The following ADCY1 variants were observed in gnomAD, a reference collection of about 807,000 sequenced individuals.
ADCY1 encodes adenylate cyclase type 1.
A neutral mutation model predicts 105.4 loss-of-function variants in ADCY1; 28 were observed. That is an observed-to-expected ratio of 0.27 (90% confidence interval 0.20 to 0.36). The LOEUF (loss-of-function observed/expected upper bound fraction) is 0.36, where lower values mean the gene tolerates loss of function less well. Ranked by LOEUF, ADCY1 falls within the 10% of genes least tolerant of loss-of-function variation. The pLI is 1.00. For missense variants in ADCY1, 977 were observed against 1,434.2 expected (o/e 0.68, Z 5.15); for synonymous variants, 655 against 623.8 (o/e 1.05, Z -0.75).
chr7:45,671,831 G>A (rs551801318), intron 8 of ADCY1, among the ~76,000 whole-genome samples: 145 of 152,086 alleles, frequency 9.5e-4, no homozygotes, highest in African/African-American at 3.3e-3. Context: ...TTCTAGAAAC[G>A]ATTCTTTTGT....
chr7:45,607,971 G>A (rs1018786496), intron 2 of ADCY1, among the ~76,000 whole-genome samples: 10 of 152,178 alleles, frequency 6.6e-5, no homozygotes, highest in East Asian at 5.8e-4. Context: ...ATGGGATTGC[G>A]GATTTGATGG....
rs1785457576 is a variant in ADCY1 at position 45,720,742 on chromosome 7, CCA to C, written c.*6750_*6751del. ...CACTTGTCGCTCTCCCACCTGGTTACCACAGTCTCCATGGGTCTTTTGCCGTG... is the reference window on the plus strand; with the variant it reads ...CACTTGTCGCTCTCCCACCTGGTTACCAGTCTCCATGGGTCTTTTGCCGTG... On this transcript the variant is annotated 3_prime_UTR_variant, in exon 20 of 20. Coordinates refer to ENST00000297323, the MANE Select transcript of ADCY1 (RefSeq NM_021116.4). 6.6e-6 allele frequency: 1 copy of C among 152,136 alleles called. No individual in the cohort carries two copies. The highest frequency in any genetic ancestry group is 6.5e-5 in the Admixed American group (1 of 15,282). 9.4% of individuals were successfully genotyped at this position (152,136 alleles called of 1,614,324 possible).
intron 14 of ADCY1, among the ~76,000 whole-genome samples, chr7:45,694,422 T>C (rs1784843378): frequency 6.6e-6 from 1 of 152,118 alleles, no homozygotes; most frequent in South Asian, 2.1e-4. Flanking sequence ...ATGAACCAAA[T>C]GAAACTACAT....
intron 2 of ADCY1, among the ~76,000 whole-genome samples, chr7:45,605,253 C>T (rs1486487592): frequency 1.3e-5 from 2 of 152,068 alleles, no homozygotes; most frequent in African/African-American, 4.8e-5. Flanking sequence ...TTGTAACATC[C>T]ATTGTATTTC....
chr7:45,628,282 C>T (rs1794123352), intron 4 of ADCY1, among the ~76,000 whole-genome samples: 1 of 152,190 alleles, frequency 6.6e-6, no homozygotes, highest in Non-Finnish European at 1.5e-5. Context: ...ATGGGTTTTC[C>T]TCACACCCCA....
At chr7:45,577,416 A>G (rs552551538) in intron 1 of ADCY1, among the ~76,000 whole-genome samples, 2 of 152,330 alleles carry the variant, frequency 1.3e-5, no homozygotes, top group South Asian at 2.1e-4. Flanking sequence ...TCTGCTTTCC[A>G]ATTAGAGAAT....
At chr7:45,681,494 G>A (rs1325072216) in intron 11 of ADCY1, among the ~76,000 whole-genome samples, 1 of 152,180 alleles carries the variant, frequency 6.6e-6, no homozygotes, top group African/African-American at 2.4e-5. Context: ...GAAAAGCAGT[G>A]GGGGTCCAGC....
At chr7:45,633,279 T>C (rs1794310054) in intron 4 of ADCY1, among the ~76,000 whole-genome samples, 1 of 152,224 alleles carries the variant, frequency 6.6e-6, no homozygotes, top group Non-Finnish European at 1.5e-5. Context: ...CAAAATACAG[T>C]TGACCCTTGA....
At chr7:45,663,154 T>C (rs967750676) in intron 8 of ADCY1, among the ~76,000 whole-genome samples, 35 of 152,232 alleles carry the variant, frequency 2.3e-4, no homozygotes, top group Non-Finnish European at 3.7e-4. Flanking sequence ...AGTCACCCTC[T>C]GCAGGCGTCC....
rs1785454157 is a variant in ADCY1, at chr7:45,720,569, C to T, written c.*6574C>T. 6.6e-6 allele frequency: 1 copy of T among 151,846 alleles called. No individual in the cohort carries two copies. Among genetic ancestry groups the T allele is most frequent in the Non-Finnish European group, 1.5e-5 (1 of 68,014 alleles). The allele number at this position is 151,846 out of a possible 1,614,324, so 9.4% of individuals were successfully genotyped here. A position where few individuals can be genotyped will look rare whatever the true frequency, so the allele number is the denominator to read the frequency against. On this transcript the variant is annotated 3_prime_UTR_variant, in exon 20 of 20. Coordinates refer to ENST00000297323, the MANE Select transcript of ADCY1 (RefSeq NM_021116.4). The stretch of plus-strand genomic sequence containing the variant: ...AGAAAATCGACCACAGTGGTAGCCA[C>T]CTGGCCTAATGCTGTGTTTTTGTAC...
chr7:45,599,067 G>A (rs531731505), intron 2 of ADCY1, among the ~76,000 whole-genome samples: 1 of 152,304 alleles, frequency 6.6e-6, no homozygotes, highest in East Asian at 1.9e-4. Flanking sequence ...GGGGTGACAT[G>A]ACTCCTGTGT....
chr7:45,600,605 A>G (rs1793203322), intron 2 of ADCY1, among the ~76,000 whole-genome samples: 1 of 152,276 alleles, frequency 6.6e-6, no homozygotes, highest in South Asian at 2.1e-4. Context: ...GGAGGGAGGC[A>G]GCCCGGGGCT....
Position 45,580,622 on chromosome 7 carries a change from C to T in ADCY1, c.639+5440C>T, listed in dbSNP as rs575945033. 3.0e-3 allele frequency among the ~76,000 whole-genome samples: 461 copies of T among 152,340 alleles called. 2 individuals are homozygous for T. The highest frequency in any genetic ancestry group is 4.9e-3 in the Non-Finnish European group (333 of 68,022). On this transcript the variant is annotated intron_variant, in intron 1 of 19. Coordinates refer to ENST00000297323, the MANE Select transcript of ADCY1 (RefSeq NM_021116.4). Reference sequence around the variant, plus strand: ...ACAGACCAGGCCTAACCACTTGAGGCGGCTTCCCTGTGGACTGGGCGCTCA... The same window carrying T: ...ACAGACCAGGCCTAACCACTTGAGGTGGCTTCCCTGTGGACTGGGCGCTCA...
intron 2 of ADCY1, among the ~76,000 whole-genome samples, chr7:45,599,713 G>A (rs1793173754): frequency 6.6e-6 from 1 of 151,140 alleles, no homozygotes; most frequent in African/African-American, 2.4e-5. Context: ...TGCAACCTCC[G>A]CCTCCCGGGT....
intron 11 of ADCY1, among the ~76,000 whole-genome samples, chr7:45,680,815 A>G (rs892148346): frequency 6.6e-6 from 1 of 152,236 alleles, no homozygotes; most frequent in African/African-American, 2.4e-5. Context: ...CAGTGGTGGG[A>G]ACCAGTGTGC....
At chr7:45,612,480 G>A (rs1235218979) in intron 3 of ADCY1, among the ~76,000 whole-genome samples, 1 of 152,156 alleles carries the variant, frequency 6.6e-6, no homozygotes, top group Non-Finnish European at 1.5e-5. Context: ...TACAAAATAA[G>A]GACATGACAC....
At chr7:45,654,640 G>C (rs937529272) in intron 5 of ADCY1, among the ~76,000 whole-genome samples, 1 of 152,174 alleles carries the variant, frequency 6.6e-6, no homozygotes, top group Non-Finnish European at 1.5e-5. Context: ...GTTTCTCAGC[G>C]CAGAGAAACT....
Position 45,714,060 on chromosome 7 carries a change from C to A in ADCY1, c.*65C>A. The A allele has an allele frequency of 2.9e-6, 2 of 686,982 alleles. No homozygotes were observed. The highest frequency in any genetic ancestry group is 3.3e-5 in the South Asian group (2 of 60,726). 42.6% of individuals were successfully genotyped at this position (686,982 alleles called of 1,614,324 possible). ...AATGCTCCGGGGGTGACACAGGCCACGGTGGCTCCAGCCAGGACCAGCCAG... is the reference window on the plus strand; with the variant it reads ...AATGCTCCGGGGGTGACACAGGCCAAGGTGGCTCCAGCCAGGACCAGCCAG... On this transcript the variant is annotated 3_prime_UTR_variant, in exon 20 of 20. Coordinates refer to ENST00000297323, the MANE Select transcript of ADCY1 (RefSeq NM_021116.4).
At chr7:45,599,979 G>T (rs570407604) in intron 2 of ADCY1, among the ~76,000 whole-genome samples, 3 of 152,106 alleles carry the variant, frequency 2.0e-5, no homozygotes, top group African/African-American at 4.8e-5. Context: ...GCAGATGGAG[G>T]TGGTGGCCAA....
Sources: allele counts gnomAD v4.1 joint callset (sites outside exome capture counted in the v4.1 genomes callset), GRCh38; gene constraint gnomAD v4.1.1; transcripts MANE v1.5; gene names NCBI Gene and HGNC (gene_info 2026-07-23, HGNC 2026-07-21).